Variants in CSMD1 observed in about 807,000 individuals in gnomAD.
CSMD1 encodes the protein CUB and sushi domain-containing protein 1.
Under a neutral mutation model 417.5 loss-of-function variants are expected in CSMD1, and 213 were observed. That is an observed-to-expected ratio of 0.51 (90% CI 0.46 to 0.57). The LOEUF (loss-of-function observed/expected upper bound fraction) is 0.57, where lower values mean the gene tolerates loss of function less well. CSMD1 is among the 20% of genes least tolerant of loss of function. The pLI, the probability that CSMD1 is intolerant of heterozygous loss-of-function variation, is 0.00. For missense variants in CSMD1, 6,923 were observed against 4,529.7 expected (o/e 1.53, Z -15.17); for synonymous variants, 2,862 against 1,736.8 (o/e 1.65, Z -16.11).
At chr8:4,231,234 T>C (rs1221107211) in intron 3 of CSMD1, among the ~76,000 whole-genome samples, 2 of 152,184 alleles carry the variant, frequency 1.3e-5, no homozygotes, top group African/African-American at 4.8e-5. Flanking sequence ...CTCTTTGAGG[T>C]TACTGCCGCC....
At chr8:4,059,447 C>T (rs1171997092) in intron 3 of CSMD1, among the ~76,000 whole-genome samples, 2 of 152,170 alleles carry the variant, frequency 1.3e-5, no homozygotes, top group South Asian at 4.2e-4. Flanking sequence ...AAAATCAGAG[C>T]AGAACTGAAG....
At chr8:4,294,136 C>T (rs1327561395) in intron 3 of CSMD1, among the ~76,000 whole-genome samples, 1 of 152,180 alleles carries the variant, frequency 6.6e-6, no homozygotes, top group Non-Finnish European at 1.5e-5. Flanking sequence ...ACACTGACGT[C>T]TGATTAACCC....
intron 3 of CSMD1, among the ~76,000 whole-genome samples, chr8:4,237,916 G>A (rs149579216): frequency 6.6e-6 from 1 of 152,130 alleles, no homozygotes; most frequent in Non-Finnish European, 1.5e-5. Context: ...AAAATGTGAA[G>A]CTTTCCTCTC....
intron 54 of CSMD1, among the ~76,000 whole-genome samples, chr8:2,985,354 T>A (rs1444751638): frequency 6.6e-6 from 1 of 151,754 alleles, no homozygotes; most frequent in Non-Finnish European, 1.5e-5. Flanking sequence ...CTACACTGTT[T>A]CACCACGTGA....
chr8:3,562,932 AC>A (rs1262859267), intron 10 of CSMD1, among the ~76,000 whole-genome samples: 7 of 151,966 alleles, frequency 4.6e-5, no homozygotes, highest in African/African-American at 1.2e-4. Flanking sequence ...TAAAAAAAAA[AC>A]CAAACCATCC....
chr8:4,086,884 G>A (rs1401473223), intron 3 of CSMD1, among the ~76,000 whole-genome samples: 1 of 152,196 alleles, frequency 6.6e-6, no homozygotes, highest in Non-Finnish European at 1.5e-5. Context: ...TAAACTGCAA[G>A]TAAATGTTGG....
intron 7 of CSMD1, among the ~76,000 whole-genome samples, chr8:3,635,808 A>AAAG (rs1345574772): frequency 6.9e-6 from 1 of 145,350 alleles, no homozygotes; most frequent in Admixed American, 6.9e-5. Context: ...AAAAAAAAAA[A>AAAG]AAAAAAAGAA....
chr8:4,952,870 G>A (rs2117292007), intron 1 of CSMD1, among the ~76,000 whole-genome samples: 1 of 152,252 alleles, frequency 6.6e-6, no homozygotes, highest in Non-Finnish European at 1.5e-5. Flanking sequence ...GATGTAGACT[G>A]TGATGTTGTT....
At chr8:4,601,565 G>A (rs1043178179) in intron 2 of CSMD1, among the ~76,000 whole-genome samples, 3 of 152,148 alleles carry the variant, frequency 2.0e-5, no homozygotes, top group Admixed American at 6.5e-5. Context: ...GTAGTATTAA[G>A]AATTGAATAC....
intron 2 of CSMD1, among the ~76,000 whole-genome samples, chr8:4,537,185 A>G (rs1797142390): frequency 1.3e-5 from 2 of 152,210 alleles, no homozygotes. Flanking sequence ...ACTACTATTT[A>G]TATATCAGCA....
chr8:4,192,429 A>G (rs899493412), intron 3 of CSMD1, among the ~76,000 whole-genome samples: 2 of 152,026 alleles, frequency 1.3e-5, no homozygotes, highest in Non-Finnish European at 2.9e-5. Context: ...CACCATCAGA[A>G]TTATACCTTC....
At chr8:4,105,781 T>C (rs140481513) in intron 3 of CSMD1, among the ~76,000 whole-genome samples, 3 of 152,336 alleles carry the variant, frequency 2.0e-5, no homozygotes, top group South Asian at 2.1e-4. Flanking sequence ...GAGGCTCCTC[T>C]ACAGCGTTGA....
intron 41 of CSMD1, among the ~76,000 whole-genome samples, chr8:3,125,767 A>G (rs1210149283): frequency 1.3e-5 from 2 of 152,224 alleles, no homozygotes; most frequent in Non-Finnish European, 2.9e-5. Context: ...ACCTGAGATC[A>G]GGAGTTTGAA....
intron 1 of CSMD1, among the ~76,000 whole-genome samples, chr8:4,919,544 C>T (rs2117132314): frequency 6.6e-6 from 1 of 152,242 alleles, no homozygotes; most frequent in Middle Eastern, 3.4e-3. Flanking sequence ...CCAGATCTTT[C>T]ATAAAATGTT....
At chr8:4,903,413 T>G (rs1805028991) in intron 1 of CSMD1, among the ~76,000 whole-genome samples, 1 of 152,178 alleles carries the variant, frequency 6.6e-6, no homozygotes, top group Non-Finnish European at 1.5e-5. Context: ...TCCAAGCAGT[T>G]GAGTGACTTT....
intron 2 of CSMD1, among the ~76,000 whole-genome samples, chr8:4,627,564 A>G (rs376751037): frequency 6.6e-6 from 1 of 152,178 alleles, no homozygotes; most frequent in Non-Finnish European, 1.5e-5. Flanking sequence ...AATAATTACT[A>G]AAGTGATTTC....
intron 2 of CSMD1, among the ~76,000 whole-genome samples, chr8:4,449,646 G>C (rs1224664829): frequency 6.6e-6 from 1 of 152,152 alleles, no homozygotes; most frequent in African/African-American, 2.4e-5. Context: ...AATCCACATA[G>C]ATCATGAACA....
chr8:3,497,426 A>C (rs1291133285), intron 10 of CSMD1, among the ~76,000 whole-genome samples: 2 of 151,064 alleles, frequency 1.3e-5, no homozygotes, highest in Non-Finnish European at 3.0e-5. Flanking sequence ...TTATTTATTT[A>C]GACACAGTCT....
chr8:4,286,059 T>G (rs1419742198), intron 3 of CSMD1, among the ~76,000 whole-genome samples: 2 of 152,176 alleles, frequency 1.3e-5, no homozygotes, highest in African/African-American at 4.8e-5. Flanking sequence ...GTTACATCCC[T>G]AAGTCCGAAA....
Sources: gnomAD v4.1 joint callset for allele counts (sites outside exome capture counted in the v4.1 genomes callset) on GRCh38, gnomAD v4.1.1 for gene constraint, MANE v1.5 for transcripts, NCBI Gene and HGNC (gene_info 2026-07-23, HGNC 2026-07-21) for gene names.